Variants in PTPRZ1 observed in about 807,000 individuals in gnomAD.
PTPRZ1 encodes the protein receptor-type tyrosine-protein phosphatase zeta.
Under a neutral mutation model 214.1 loss-of-function variants are expected in PTPRZ1, and 82 were observed. The ratio of observed to expected loss-of-function variants is 0.38; its 90% confidence interval spans 0.32 to 0.46. The LOEUF is 0.46. Ranked by LOEUF, PTPRZ1 falls within the 20% of genes least tolerant of loss-of-function variation. The pLI is 1.00. For synonymous variants in PTPRZ1, 945 were observed against 987.9 expected, an observed-to-expected ratio of 0.96 and a Z score of 0.81; for missense variants, 2,603 against 2,748.7, an observed-to-expected ratio of 0.95 and a Z score of 1.19.
At position 122,011,263 on chromosome 7, in the gene PTPRZ1, C is replaced by T. The variant is rs1366745618; in HGVS notation, c.2217C>T (p.Ser739=). The T allele has an allele frequency of 4.3e-6, 7 of 1,613,956 alleles. No homozygotes were observed. Among genetic ancestry groups the T allele is most frequent in the Non-Finnish European group, 5.9e-6 (7 of 1,179,960 alleles). ...CCTCCAGACAACAGGATTTGGTCTC[C>T]ACGGTCAACGTGGTATACTCGCAGA... is the stretch of plus-strand genomic sequence containing the variant. The part of the protein sequence containing the change: ...TPSSRQQDLV[S]TVNVVYSQTT... Residue 739 remains serine (S), a synonymous_variant, in exon 12 of 30, where the codon TCC becomes TCT. Transcript: ENST00000393386.
intron 12 of PTPRZ1, among the ~76,000 whole-genome samples, 175 bp from the exon 13 acceptor site, chr7:122,018,949 C>T (rs1458701513): frequency 2.0e-5 from 3 of 152,190 alleles, no homozygotes; most frequent in South Asian, 2.1e-4. Flanking sequence ...GCCTGCCTTA[C>T]ATTTTAAACT....
intron 13 of PTPRZ1, among the ~76,000 whole-genome samples, chr7:122,020,497 C>T (rs1053114752): frequency 6.6e-6 from 1 of 152,130 alleles, no homozygotes; most frequent in African/African-American, 2.4e-5. Context: ...GCATTCCAGG[C>T]AGGGACACAG....
chr7:121,988,926 A>G (rs1459214604), intron 8 of PTPRZ1, among the ~76,000 whole-genome samples: 1 of 152,246 alleles, frequency 6.6e-6, no homozygotes, highest in East Asian at 1.9e-4. Flanking sequence ...TTCATGTTCA[A>G]AATTAAAGAT....
chr7:121,935,544 T>TTTTTTG (rs1188815641), intron 2 of PTPRZ1, among the ~76,000 whole-genome samples: 13 of 131,090 alleles, frequency 9.9e-5, no homozygotes, highest in Admixed American at 9.9e-4. Context: ...TTGGGGTTTT[T>TTTTTTG]TTTGTTTGTT....
At chr7:121,913,445 G>C (rs1467002054) in intron 1 of PTPRZ1, among the ~76,000 whole-genome samples, 1 of 152,192 alleles carries the variant, frequency 6.6e-6, no homozygotes, top group Admixed American at 6.5e-5. Flanking sequence ...TGCATTAGGG[G>C]AAGTGACCTC....
intron 8 of PTPRZ1, among the ~76,000 whole-genome samples, chr7:121,992,779 A>G (rs1314493950): frequency 6.6e-6 from 1 of 152,226 alleles, no homozygotes. Flanking sequence ...AGAACCAAGC[A>G]GATGAGAGTG....
intron 1 of PTPRZ1, among the ~76,000 whole-genome samples, chr7:121,919,393 T>C (rs1326903967): frequency 6.6e-6 from 1 of 152,100 alleles, no homozygotes; most frequent in African/African-American, 2.4e-5. Flanking sequence ...GTGTGGAATA[T>C]ATTGTAATAT....
chr7:122,001,274 A>C (rs1798314686), intron 10 of PTPRZ1, among the ~76,000 whole-genome samples: 1 of 152,130 alleles, frequency 6.6e-6, no homozygotes, highest in Non-Finnish European at 1.5e-5. Flanking sequence ...CTTTTAAAAG[A>C]CTTCTTAGTT....
intron 1 of PTPRZ1, among the ~76,000 whole-genome samples, chr7:121,901,222 A>G (rs2116263359): frequency 6.6e-6 from 1 of 152,326 alleles, no homozygotes; most frequent in Admixed American, 6.5e-5. Context: ...CAAAAACATT[A>G]TGCATGCCAG....
At chr7:121,922,020 A>T (rs1368815110) in intron 1 of PTPRZ1, among the ~76,000 whole-genome samples, 3 of 152,214 alleles carry the variant, frequency 2.0e-5, no homozygotes, top group African/African-American at 7.2e-5. Flanking sequence ...CCAATCCTTA[A>T]CATTGAATGA....
chr7:121,996,894 C>T (rs1417066643), intron 9 of PTPRZ1, among the ~76,000 whole-genome samples: 1 of 152,022 alleles, frequency 6.6e-6, no homozygotes, highest in Non-Finnish European at 1.5e-5. Context: ...AATCTCAGTG[C>T]CCTGATACAT....
intron 11 of PTPRZ1, among the ~76,000 whole-genome samples, chr7:122,006,922 A>G (rs1798506370): frequency 6.6e-6 from 1 of 152,102 alleles, no homozygotes; most frequent in Non-Finnish European, 1.5e-5. Flanking sequence ...CTGAAAGGCA[A>G]GAGGGCAAGG....
intron 20 of PTPRZ1, among the ~76,000 whole-genome samples, chr7:122,039,979 C>T (rs566810043): frequency 5.4e-5 from 7 of 129,058 alleles, no homozygotes; most frequent in Non-Finnish European, 1.2e-4. Context: ...GAGACTCTGT[C>T]AAAAAAAAAA....
chr7:122,023,792 A>G (rs971283946), intron 13 of PTPRZ1, among the ~76,000 whole-genome samples: 2 of 133,322 alleles, frequency 1.5e-5, no homozygotes, highest in Non-Finnish European at 3.1e-5. Flanking sequence ...TATTATATGT[A>G]TAATTTTATA....
Position 122,011,041 on chromosome 7 carries a change from T to C in PTPRZ1, c.1995T>C (p.Asp665=), listed in dbSNP as rs981251261. The C allele has an allele frequency of 2.5e-6, 4 of 1,614,144 alleles. No individual in the cohort carries two copies. Among genetic ancestry groups the C allele is most frequent in the East Asian group, 2.2e-5 (1 of 44,878 alleles). Reference sequence around the variant, plus strand: ...CTACAGACATAACAGCACAGCCCGATGTTGGATCAGGCAGAGAGAGCTTTC... The same window carrying C: ...CTACAGACATAACAGCACAGCCCGACGTTGGATCAGGCAGAGAGAGCTTTC... ...PSSTDITAQP[D]VGSGRESFLQ... is the part of the protein sequence containing the mutation. Residue 665 remains aspartate (D), a synonymous_variant, in exon 12 of 30, where the codon GAT becomes GAC. Coordinates refer to ENST00000393386, the MANE Select transcript of PTPRZ1 (RefSeq NM_002851.3).
At chr7:121,918,626 G>C (rs1336102377) in intron 1 of PTPRZ1, among the ~76,000 whole-genome samples, 1 of 151,964 alleles carries the variant, frequency 6.6e-6, no homozygotes. Flanking sequence ...AATTTATCTA[G>C]TTGTAGAATC....
intron 23 of PTPRZ1, among the ~76,000 whole-genome samples, chr7:122,045,109 C>T (rs1799848297): frequency 1.3e-5 from 2 of 152,156 alleles, no homozygotes; most frequent in Admixed American, 1.3e-4. Flanking sequence ...GTACTTCCCA[C>T]AATACCAGCT....
chr7:121,889,996 C>A (rs1794534944), intron 1 of PTPRZ1, among the ~76,000 whole-genome samples: 1 of 152,120 alleles, frequency 6.6e-6, no homozygotes, highest in Non-Finnish European at 1.5e-5. Flanking sequence ...TTTCTAGTTC[C>A]TTCTCATCCC....
At chr7:122,008,544 AG>A (rs1798557726) in intron 11 of PTPRZ1, among the ~76,000 whole-genome samples, 1 of 152,056 alleles carries the variant, frequency 6.6e-6, no homozygotes, top group African/African-American at 2.4e-5. Context: ...ACAGGACAGG[AG>A]GGGCAGAGAT....
Sources: allele counts gnomAD v4.1 joint callset (sites outside exome capture counted in the v4.1 genomes callset), GRCh38; gene constraint gnomAD v4.1.1; transcripts MANE v1.5; gene names NCBI Gene and HGNC (gene_info 2026-07-23, HGNC 2026-07-21).